The following RBFOX1 variants were observed in gnomAD, a reference collection of about 807,000 sequenced individuals.
RBFOX1 encodes the protein RNA binding fox-1 homolog 1, also known as RNA binding protein fox-1 homolog 1.
RBFOX1 carries 8 observed loss-of-function variants against 57.7 expected under a neutral mutation model. The observed-to-expected ratio is 0.14, with a 90% confidence interval of 0.08 to 0.25. The LOEUF (loss-of-function observed/expected upper bound fraction) is 0.25, where lower values mean the gene tolerates loss of function less well. Ranked by LOEUF, RBFOX1 falls within the 10% of genes least tolerant of loss-of-function variation. RBFOX1 has a pLI of 1.00. For synonymous variants in RBFOX1, 326 were observed against 222.4 expected (o/e 1.47, Z -4.15); for missense variants, 611 against 548.5 (o/e 1.11, Z -1.14).
At position 5,881,882 on chromosome 16, in the gene RBFOX1, C is replaced by T. The variant is rs962255387; in HGVS notation, c.351+14547C>T. 6.6e-5 allele frequency among the ~76,000 whole-genome samples: 10 copies of T among 152,288 alleles called. No individual in the cohort carries two copies. The East Asian group carries it at 1.7e-3, about 26-fold the overall frequency. ...TATGCACCAGGCACTCTTCTAAGCA[C>T]ATTTAAGGTACTAAAATAATAATAA... On this transcript the variant is annotated intron_variant, in intron 4 of 19. Coordinates refer to the RBFOX1 transcript ENST00000641259.
intron 3 of RBFOX1, among the ~76,000 whole-genome samples, chr16:6,894,212 C>T (rs748048311): frequency 3.3e-5 from 5 of 152,158 alleles, no homozygotes; most frequent in Non-Finnish European, 5.9e-5. Context: ...TCACTTCCAT[C>T]ACTTCTGCAT....
chr16:7,387,987 G>C (rs954774492), intron 4 of RBFOX1, among the ~76,000 whole-genome samples: 2 of 151,818 alleles, frequency 1.3e-5, no homozygotes, highest in Non-Finnish European at 2.9e-5. Flanking sequence ...CAGCTATTGT[G>C]GGGGGAAAAA....
intron 4 of RBFOX1, among the ~76,000 whole-genome samples, chr16:7,186,942 G>C (rs1378839245): frequency 2.8e-5 from 4 of 140,822 alleles, no homozygotes; most frequent in Non-Finnish European, 6.0e-5. Context: ...CAAATTGCTT[G>C]AGACTGGGAG....
At chr16:6,601,134 C>A (rs2097847781) in intron 2 of RBFOX1, among the ~76,000 whole-genome samples, 1 of 152,254 alleles carries the variant, frequency 6.6e-6, no homozygotes, top group Non-Finnish European at 1.5e-5. Flanking sequence ...AGTTGTAAAG[C>A]CTTTGGGCTT....
At chr16:6,723,589 G>C (rs1204840795) in intron 3 of RBFOX1, among the ~76,000 whole-genome samples, 1 of 152,152 alleles carries the variant, frequency 6.6e-6, no homozygotes, top group Middle Eastern at 3.2e-3. Flanking sequence ...ATGGCAGTAG[G>C]GGATATCTTG....
At chr16:5,416,590 G>T (rs1031789769) in intron 1 of RBFOX1, among the ~76,000 whole-genome samples, 12 of 151,948 alleles carry the variant, frequency 7.9e-5, no homozygotes, top group Admixed American at 7.9e-4. Flanking sequence ...TTTTCTTATG[G>T]CACTTTAAAG....
At chr16:6,922,026 A>G (rs1196747002) in intron 3 of RBFOX1, among the ~76,000 whole-genome samples, 1 of 152,186 alleles carries the variant, frequency 6.6e-6, no homozygotes, top group East Asian at 1.9e-4. Context: ...TATTTAATGT[A>G]TATAACTGCT....
At chr16:5,285,660 T>C (rs1311284996) in intron 1 of RBFOX1, among the ~76,000 whole-genome samples, 2 of 152,236 alleles carry the variant, frequency 1.3e-5, no homozygotes, top group African/African-American at 4.8e-5. Flanking sequence ...GATATCACAC[T>C]TTGGCTTTGA....
intron 3 of RBFOX1, among the ~76,000 whole-genome samples, chr16:5,825,093 A>G (rs895281074): frequency 3.3e-5 from 5 of 152,248 alleles, no homozygotes; most frequent in African/African-American, 1.2e-4. Flanking sequence ...CAACACAGGA[A>G]GGAATTGGAG....
chr16:5,959,326 C>G (rs946795872), intron 4 of RBFOX1, among the ~76,000 whole-genome samples: 1 of 152,186 alleles, frequency 6.6e-6, no homozygotes, highest in Non-Finnish European at 1.5e-5. Flanking sequence ...CTTCCTCAGC[C>G]TGAATCTCTC....
chr16:5,878,706 A>G (rs1394714216), intron 4 of RBFOX1, among the ~76,000 whole-genome samples: 2 of 144,388 alleles, frequency 1.4e-5, no homozygotes, highest in African/African-American at 5.4e-5. Context: ...GAAAAAAAAG[A>G]GTTATTGCAA....
chr16:7,265,753 G>A (rs771894643), intron 4 of RBFOX1, among the ~76,000 whole-genome samples: 1 of 152,022 alleles, frequency 6.6e-6, no homozygotes, highest in Non-Finnish European at 1.5e-5. Context: ...CTGGCCAGGT[G>A]TCTTTTCTGA....
At chr16:5,839,395 C>T (rs2056556308) in intron 3 of RBFOX1, among the ~76,000 whole-genome samples, 1 of 152,124 alleles carries the variant, frequency 6.6e-6, no homozygotes, top group Non-Finnish European at 1.5e-5. Context: ...GTTTATGGCC[C>T]TAATTCCTTT....
At chr16:6,574,268 TC>T (rs1359544244) in intron 2 of RBFOX1, among the ~76,000 whole-genome samples, 10 of 152,114 alleles carry the variant, frequency 6.6e-5, no homozygotes, top group African/African-American at 2.2e-4. Flanking sequence ...CACACGTTGT[TC>T]ATGTCAGCTG....
Position 5,470,205 on chromosome 16 carries a change from T to C in RBFOX1, c.258+2951T>C, listed in dbSNP as rs75142945. Among the ~76,000 whole-genome samples the C allele has an allele frequency of 2.6e-5, 4 of 152,348 alleles. No homozygotes were observed. The East Asian group carries it at 7.7e-4, about 29-fold the overall frequency. On this transcript the variant is annotated intron_variant, in intron 2 of 2. Coordinates refer to the RBFOX1 transcript ENST00000585867. ...TCACCCGTGTTTCCACCCACCATGC[T>C]GTCCTGCATGTGGAACATCAGCCCT... is the stretch of plus-strand genomic sequence containing the variant.
intron 4 of RBFOX1, among the ~76,000 whole-genome samples, chr16:7,202,946 C>T (rs1409118368): frequency 6.6e-6 from 1 of 152,056 alleles, no homozygotes; most frequent in East Asian, 1.9e-4. Flanking sequence ...GAGTGCCAGG[C>T]TAATTTTGTT....
intron 1 of RBFOX1, among the ~76,000 whole-genome samples, chr16:5,331,314 A>G (rs1474645051): frequency 6.6e-6 from 1 of 152,264 alleles, no homozygotes; most frequent in Non-Finnish European, 1.5e-5. Flanking sequence ...CAAATGCTAC[A>G]GAAGTGCTGT....
intron 1 of RBFOX1, among the ~76,000 whole-genome samples, chr16:6,311,396 C>T (rs889508982): frequency 2.0e-5 from 3 of 151,250 alleles, no homozygotes; most frequent in Non-Finnish European, 4.4e-5. Flanking sequence ...ATGAATCTCT[C>T]TTTGGGGAAC....
intron 1 of RBFOX1, among the ~76,000 whole-genome samples, chr16:6,053,405 G>T (rs2095576978): frequency 6.6e-6 from 1 of 152,164 alleles, no homozygotes; most frequent in South Asian, 2.1e-4. Flanking sequence ...GGGAGAAAGG[G>T]GATTGTTCTA....
Sources: gnomAD v4.1 joint callset for allele counts (sites outside exome capture counted in the v4.1 genomes callset) on GRCh38, gnomAD v4.1.1 for gene constraint, MANE v1.5 for transcripts, NCBI Gene and HGNC (gene_info 2026-07-23, HGNC 2026-07-21) for gene names.